PTPRT: variants seen among roughly 807,000 people sequenced by gnomAD.
PTPRT encodes the protein receptor-type tyrosine-protein phosphatase T.
A neutral mutation model predicts 176.8 loss-of-function variants in PTPRT; 56 were observed. The ratio of observed to expected loss-of-function variants is 0.32; its 90% CI spans 0.26 to 0.40. The LOEUF is 0.40. PTPRT is among the 10% of genes least tolerant of loss of function. The pLI is 1.00. For synonymous variants in PTPRT, 783 were observed against 739.0 expected (o/e 1.06, Z -0.96); for missense variants, 1,540 against 1,908.2 (o/e 0.81, Z 3.60).
chr20:42,099,040 G>A (rs1042497507), intron 26 of PTPRT, among the ~76,000 whole-genome samples: 1 of 152,228 alleles, frequency 6.6e-6, no homozygotes, highest in Admixed American at 6.5e-5. Flanking sequence ...GGCAAGGTGG[G>A]CACTGTGTCA....
chr20:42,110,197 C>T, intron 23 of PTPRT, 136 bp downstream of exon 23: 2 of 748,822 alleles, frequency 2.7e-6, no homozygotes, highest in East Asian at 3.0e-5. Context: ...CAGATGTATG[C>T]CACCATGACC....
At chr20:42,206,405 G>A (rs895231533) in intron 15 of PTPRT, among the ~76,000 whole-genome samples, 7 of 152,210 alleles carry the variant, frequency 4.6e-5, no homozygotes, top group African/African-American at 1.7e-4. Flanking sequence ...CAGACAGTGG[G>A]CGCAGGTCAG....
intron 9 of PTPRT, among the ~76,000 whole-genome samples, chr20:42,433,122 CT>C (rs1321004102): frequency 1.3e-5 from 2 of 152,192 alleles, no homozygotes; most frequent in Non-Finnish European, 2.9e-5. Flanking sequence ...GGAAACCCAG[CT>C]GCCGATGGGG....
intron 9 of PTPRT, among the ~76,000 whole-genome samples, chr20:42,363,478 T>C (rs2058469758): frequency 6.6e-6 from 1 of 150,596 alleles, no homozygotes; most frequent in South Asian, 2.1e-4. Flanking sequence ...CCCTGGCTAA[T>C]TTTGTATTTT....
In PTPRT at chr20:42,145,497, CATAGATAGATAGATAGATAGATAG is replaced by C. The variant is rs59838948; in HGVS notation, c.2683-3519_2683-3496del. ...CCTGGGTGACAGTGAGACTTTGTCT[CATAGATAGATAGATAGATAGATAG>C]ATAGATAGATAGATAGATAGATAGA... On this transcript the variant is annotated intron_variant, in intron 17 of 30. Coordinates refer to ENST00000373187, the MANE Select transcript of PTPRT (RefSeq NM_007050.6). 6.4e-3 allele frequency among the ~76,000 whole-genome samples: 928 copies of C among 144,560 alleles called. 27 individuals are homozygous for C. The highest frequency in any genetic ancestry group is 0.046 in the Admixed American group (658 of 14,438). 94.8% of individuals were successfully genotyped at this position (144,560 alleles called of 152,430 possible). A position where few individuals can be genotyped will look rare whatever the true frequency, so the allele number is the denominator to read the frequency against.
chr20:42,509,554 A>T lies in PTPRT; in HGVS notation c.1154-36992T>A, dbSNP rs541918811. Among the ~76,000 whole-genome samples the T allele has an allele frequency of 2.7e-4, 40 of 148,336 alleles. 1 individual carries two copies. In the South Asian group the frequency reaches 8.0e-3, roughly 30 times the overall value. On this transcript the variant is annotated intron_variant, in intron 7 of 30. Transcript: ENST00000373187. The stretch of plus-strand genomic sequence containing the variant: ...TATAAATTAATATATATCAATTTAT[A>T]TTTCTATTCAAACTGTTTGTGTTGT...
chr20:42,213,112 G>C (rs1207643674), intron 15 of PTPRT, among the ~76,000 whole-genome samples: 2 of 152,152 alleles, frequency 1.3e-5, no homozygotes, highest in Non-Finnish European at 2.9e-5. Context: ...AGCAGCATCC[G>C]CTTCACCTGG....
chr20:42,943,470 T>C (rs370261471), intron 1 of PTPRT, among the ~76,000 whole-genome samples: 3 of 152,104 alleles, frequency 2.0e-5, no homozygotes, highest in African/African-American at 4.8e-5. Flanking sequence ...GAAGACTAAG[T>C]TACTCTTACT....
chr20:43,178,259 C>G (rs1391295129), intron 1 of PTPRT, among the ~76,000 whole-genome samples: 1 of 152,128 alleles, frequency 6.6e-6, no homozygotes, highest in Non-Finnish European at 1.5e-5. Context: ...AGATAAACAC[C>G]CTGAACTGGA....
intron 2 of PTPRT, among the ~76,000 whole-genome samples, chr20:42,861,996 CT>C (rs2078670216): frequency 6.6e-6 from 1 of 152,100 alleles, no homozygotes; most frequent in Non-Finnish European, 1.5e-5. Context: ...CACATTTATA[CT>C]TTTAAATTTT....
intron 3 of PTPRT, among the ~76,000 whole-genome samples, chr20:42,781,446 C>T (rs2145502685): frequency 6.6e-6 from 1 of 152,244 alleles, no homozygotes; most frequent in African/African-American, 2.4e-5. Flanking sequence ...CCATCCCCTG[C>T]CTCTTCTTTG....
chr20:42,336,058 T>C (rs184211310), intron 11 of PTPRT, among the ~76,000 whole-genome samples: 20 of 152,308 alleles, frequency 1.3e-4, no homozygotes, highest in Admixed American at 1.3e-3. Flanking sequence ...ACTGAGTTAA[T>C]ATACATAAAG....
chr20:42,933,029 C>A (rs1035073743), intron 1 of PTPRT, among the ~76,000 whole-genome samples: 5 of 152,174 alleles, frequency 3.3e-5, no homozygotes, highest in African/African-American at 1.2e-4. Context: ...TATTTGGACC[C>A]ATCCCAGGCT....
rs1166650423 is a variant in PTPRT, at chr20:43,146,553, T to C, written c.88+43093A>G. 5.4e-5 allele frequency among the ~76,000 whole-genome samples: 6 copies of C among 111,700 alleles called. No individual in the cohort carries two copies. The East Asian group carries it at 2.7e-3, about 51-fold the overall frequency. The allele number at this position is 111,700 out of a possible 152,430, so 73.3% of individuals were successfully genotyped here. ...CGACAAAATAAAGACTCTTCACTTC[T>C]GAACCAAAAAAAAAAAAAATCACCC... On this transcript the variant is annotated intron_variant, in intron 1 of 30. Transcript: ENST00000373187.
At chr20:42,574,404 T>C (rs939032479) in intron 7 of PTPRT, among the ~76,000 whole-genome samples, 1 of 152,168 alleles carries the variant, frequency 6.6e-6, no homozygotes, top group African/African-American at 2.4e-5. Context: ...ACTTAATAAC[T>C]TTGGGTATCA....
intron 7 of PTPRT, among the ~76,000 whole-genome samples, chr20:42,566,066 G>A (rs1421390187): frequency 2.0e-5 from 3 of 151,932 alleles, no homozygotes; most frequent in Non-Finnish European, 4.4e-5. Context: ...TCAAGACAAG[G>A]CTTTTTTACA....
At chr20:42,100,331 G>A (rs1014744600) in intron 26 of PTPRT, among the ~76,000 whole-genome samples, 4 of 152,210 alleles carry the variant, frequency 2.6e-5, no homozygotes, top group Non-Finnish European at 5.9e-5. Context: ...TTTACCAGGG[G>A]AAACATTAAA....
At chr20:42,112,956 G>C (rs1437988655) in intron 22 of PTPRT, among the ~76,000 whole-genome samples, 1 of 152,072 alleles carries the variant, frequency 6.6e-6, no homozygotes, top group African/African-American at 2.4e-5. Context: ...GCCTTCCTTC[G>C]AGCTCTTCCC....
chr20:42,983,791 C>G (rs1328488011), intron 1 of PTPRT, among the ~76,000 whole-genome samples: 1 of 152,254 alleles, frequency 6.6e-6, no homozygotes, highest in African/African-American at 2.4e-5. Flanking sequence ...TGCCTTACTT[C>G]TGGCAACCTA....
Sources: gnomAD v4.1 joint callset for allele counts (sites outside exome capture counted in the v4.1 genomes callset) on GRCh38, gnomAD v4.1.1 for gene constraint, MANE v1.5 for transcripts, NCBI Gene and HGNC (gene_info 2026-07-23, HGNC 2026-07-21) for gene names.